The following CHIC1 variants were observed in gnomAD, a reference collection of about 807,000 sequenced individuals.
CHIC1 encodes cysteine rich hydrophobic domain 1.
Under a neutral mutation model 18.5 loss-of-function variants are expected in CHIC1, and 7 were observed. The ratio of observed to expected loss-of-function variants is 0.38; its 90% CI spans 0.22 to 0.71. The LOEUF (loss-of-function observed/expected upper bound fraction) is 0.71, where lower values mean the gene tolerates loss of function less well. CHIC1 is among the 30% of genes least tolerant of loss of function. The probability of loss-of-function intolerance (pLI) is 0.49; values close to 1 mark genes in which losing one functional copy is unlikely to be tolerated. For synonymous variants in CHIC1, 77 were observed against 73.5 expected, an observed-to-expected ratio of 1.05 and a Z score of -0.25; for missense variants, 159 against 176.9, an observed-to-expected ratio of 0.90 and a Z score of 0.57.
At chrX:73,589,360 TTTAA>T (rs1374501135) in intron 3 of CHIC1, among the ~76,000 whole-genome samples, 2 of 111,141 alleles carry the variant, frequency 1.8e-5, no homozygotes, top group Admixed American at 9.6e-5. Flanking sequence ...TTATTTTATG[TTTAA>T]TTGAGTTTTT....
chrX:73,564,274 G>T (rs1446051039), intron 1 of CHIC1, among the ~76,000 whole-genome samples: 1 of 111,527 alleles, frequency 9.0e-6, no homozygotes, highest in Non-Finnish European at 1.9e-5. Flanking sequence ...TGAAGGGTTT[G>T]GAGTAGATGG....
intron 3 of CHIC1, among the ~76,000 whole-genome samples, chrX:73,623,376 G>A (rs761482679): frequency 1.2e-3 from 133 of 110,735 alleles, no homozygotes; most frequent in Non-Finnish European, 2.3e-3. Context: ...CCTGTATTGG[G>A]TGCATATATA....
intron 3 of CHIC1, among the ~76,000 whole-genome samples, chrX:73,658,522 C>T: frequency 9.7e-6 from 1 of 103,153 alleles, no homozygotes; most frequent in Non-Finnish European, 2.0e-5. Flanking sequence ...ACTTGATAAT[C>T]TTCTCTCTTT....
chrX:73,617,762 A>G (rs894987134), intron 3 of CHIC1, among the ~76,000 whole-genome samples: 7 of 111,618 alleles, frequency 6.3e-5, no homozygotes, highest in African/African-American at 2.3e-4. Flanking sequence ...CTCACCACAT[A>G]CCTCCCACAA....
chrX:73,591,189 G>A lies in CHIC1; in HGVS notation c.507+6617G>A, dbSNP rs138525192. 6.3e-5 allele frequency among the ~76,000 whole-genome samples: 7 copies of A among 111,029 alleles called. No individual in the cohort carries two copies. The South Asian group carries it at 2.6e-3, about 42-fold the overall frequency. ...AATTTCTAATTCTGCATAGTCATAC[G>A]ATATTGAGCAGCTTTTTACAAGCTT... On this transcript the variant is annotated intron_variant, in intron 3 of 5. Transcript: ENST00000373502.
chrX:73,605,498 G>A (rs959257603), intron 3 of CHIC1, among the ~76,000 whole-genome samples: 1 of 108,071 alleles, frequency 9.3e-6, no homozygotes, highest in Non-Finnish European at 1.9e-5. Flanking sequence ...TTACATTTAA[G>A]GTTAATATTG....
intron 2 of CHIC1, among the ~76,000 whole-genome samples, chrX:73,580,394 T>G (rs1035660671): frequency 9.0e-6 from 1 of 111,141 alleles, no homozygotes; most frequent in African/African-American, 3.2e-5. Context: ...AAATCTATCA[T>G]GTGTTGGATA....
intron 3 of CHIC1, among the ~76,000 whole-genome samples, chrX:73,591,514 G>C (rs1398552967): frequency 9.0e-6 from 1 of 111,398 alleles, no homozygotes; most frequent in African/African-American, 3.3e-5. Flanking sequence ...CTCAGCCTGT[G>C]GTTTGTCTTT....
intron 3 of CHIC1, among the ~76,000 whole-genome samples, chrX:73,588,308 T>C (rs962951665): frequency 9.0e-6 from 1 of 111,160 alleles, no homozygotes; most frequent in African/African-American, 3.3e-5. Context: ...ATACAACCAC[T>C]GATCTACTTT....
intron 3 of CHIC1, among the ~76,000 whole-genome samples, chrX:73,621,748 G>A (rs1024120071): frequency 8.9e-6 from 1 of 112,175 alleles, no homozygotes; most frequent in African/African-American, 3.2e-5. Flanking sequence ...TAGGAGTTGT[G>A]AGAGAGGGCA....
At chrX:73,672,759 C>T (rs1160050472) in intron 3 of CHIC1, among the ~76,000 whole-genome samples, 1 of 111,801 alleles carries the variant, frequency 8.9e-6, no homozygotes, top group African/African-American at 3.3e-5. Flanking sequence ...TGCAGAAGCT[C>T]TTTAGTTTAA....
At chrX:73,580,147 CCTT>C (rs2057519834) in intron 2 of CHIC1, among the ~76,000 whole-genome samples, 1 of 110,690 alleles carries the variant, frequency 9.0e-6, no homozygotes, top group Admixed American at 9.6e-5. Flanking sequence ...TCTTTTCACA[CCTT>C]CTCATTTCTT....
At chrX:73,675,454 C>T (rs1487394974) in intron 3 of CHIC1, among the ~76,000 whole-genome samples, 1 of 111,998 alleles carries the variant, frequency 8.9e-6, no homozygotes, top group Non-Finnish European at 1.9e-5. Context: ...GTTAGCTCTT[C>T]TTGTTGAATT....
At chrX:73,643,196 C>G (rs1360074197) in intron 3 of CHIC1, among the ~76,000 whole-genome samples, 1 of 111,393 alleles carries the variant, frequency 9.0e-6, no homozygotes, top group Non-Finnish European at 1.9e-5. Context: ...AATATTGGCC[C>G]CCACTCTCTT....
At position 73,630,069 on chromosome X, in the gene CHIC1, G is replaced by A. The variant is rs183655806; in HGVS notation, c.507+45497G>A. Reference sequence around the variant, plus strand: ...ATTCCTCTTTTGGATAGTTTATACTGTATAAAAACACAACTGTTTTTGTAT... The same window carrying A: ...ATTCCTCTTTTGGATAGTTTATACTATATAAAAACACAACTGTTTTTGTAT... On this transcript the variant is annotated intron_variant, in intron 3 of 5. Transcript: ENST00000373502. 2.2e-4 allele frequency among the ~76,000 whole-genome samples: 24 copies of A among 111,535 alleles called. No homozygotes were observed. The Admixed American group carries it at 2.2e-3, about 10-fold the overall frequency.
intron 3 of CHIC1, among the ~76,000 whole-genome samples, chrX:73,623,685 A>C (rs1185960197): frequency 1.8e-5 from 2 of 111,543 alleles, no homozygotes; most frequent in African/African-American, 6.5e-5. Flanking sequence ...CTTAGCAAAA[A>C]AAATTTACAT....
intron 5 of CHIC1, among the ~76,000 whole-genome samples, chrX:73,679,958 C>T (rs2058089755): frequency 9.0e-6 from 1 of 111,427 alleles, no homozygotes; most frequent in African/African-American, 3.3e-5. Context: ...ATTGTACAAC[C>T]TTAATCATTT....
intron 3 of CHIC1, among the ~76,000 whole-genome samples, chrX:73,662,344 C>CA (rs1387990147): frequency 9.3e-6 from 1 of 107,315 alleles, no homozygotes; most frequent in East Asian, 2.9e-4. Context: ...CAGTAGTGAG[C>CA]AAAAAAACCT....
intron 3 of CHIC1, among the ~76,000 whole-genome samples, chrX:73,639,116 T>C (rs1391891741): frequency 1.8e-5 from 2 of 112,008 alleles, no homozygotes; most frequent in Non-Finnish European, 3.8e-5. Context: ...TTTTCTACAG[T>C]GGTTTTCACA....
Sources: gnomAD v4.1 joint callset for allele counts (sites outside exome capture counted in the v4.1 genomes callset) on GRCh38, gnomAD v4.1.1 for gene constraint, MANE v1.5 for transcripts, NCBI Gene and HGNC (gene_info 2026-07-23, HGNC 2026-07-21) for gene names.